KMT2C: variants seen among roughly 807,000 people sequenced by gnomAD.
KMT2C encodes the protein histone-lysine N-methyltransferase 2C.
Under a neutral mutation model 507.9 loss-of-function variants are expected in KMT2C, and 88 were observed. That is an observed-to-expected ratio of 0.17 (90% CI 0.15 to 0.21). KMT2C has a LOEUF of 0.21. KMT2C is among the 10% of genes least tolerant of loss of function. The pLI, the probability that KMT2C is intolerant of heterozygous loss-of-function variation, is 1.00. For synonymous variants in KMT2C, 2,049 were observed against 2,080.8 expected, an observed-to-expected ratio of 0.98 and a Z score of 0.42; for missense variants, 4,954 against 5,957.8, an observed-to-expected ratio of 0.83 and a Z score of 5.55.
At chr7:152,375,352 A>T (rs1261771012) in intron 1 of KMT2C, among the ~76,000 whole-genome samples, 5 of 151,670 alleles carry the variant, frequency 3.3e-5, no homozygotes, top group East Asian at 2.0e-4. Flanking sequence ...AGTTTTTTTT[A>T]AAATAGCAAA....
At position 152,162,861 on chromosome 7, in the gene KMT2C, T is replaced by C. The variant is rs376582257; in HGVS notation, c.10716A>G (p.Gln3572=). The change falls in exon 43 of 59, where the codon CAA becomes CAG. Residue 3572 remains glutamine, a synonymous_variant. Transcript: ENST00000262189. ...PVANSSLPCG[Q]DSTITHGHSY... ...TGTGTCCATGGGTTATAGTAGAATC[T>C]TGGCCACATGGGAGACTGCTATTAG... The C allele has an allele frequency of 6.8e-6, 11 of 1,614,114 alleles. No homozygotes were observed. The highest frequency in any genetic ancestry group is 1.1e-5 in the South Asian group (1 of 91,092).
At chr7:152,395,395 A>G (rs2097531830) in intron 1 of KMT2C, among the ~76,000 whole-genome samples, 2 of 152,018 alleles carry the variant, frequency 1.3e-5, no homozygotes, top group Non-Finnish European at 2.9e-5. Context: ...TATGTTGCCC[A>G]GCAGACTGGT....
At chr7:152,285,639 C>T (rs2096283331) in intron 6 of KMT2C, among the ~76,000 whole-genome samples, 1 of 152,156 alleles carries the variant, frequency 6.6e-6, no homozygotes. Context: ...AATGGGAGGA[C>T]ATTATACCCT....
At position 152,429,677 on chromosome 7, in the gene KMT2C, C is replaced by T. The variant is rs1357192044; in HGVS notation, c.161+5949G>A. Among the ~76,000 whole-genome samples the T allele has an allele frequency of 4.0e-5, 6 of 151,802 alleles. No individual in the cohort carries two copies. In the South Asian group the frequency reaches 6.3e-4, roughly 16 times the overall value. Reference sequence around the variant, plus strand: ...CTGGGACTATAGGTGCCTGCCACCACGCCCAGCTAATTTTTGTATTTTTGG... The same window carrying T: ...CTGGGACTATAGGTGCCTGCCACCATGCCCAGCTAATTTTTGTATTTTTGG... On this transcript the variant is annotated intron_variant, in intron 1 of 58. Transcript: ENST00000262189.
intron 6 of KMT2C, among the ~76,000 whole-genome samples, chr7:152,307,243 A>T (rs2096626227): frequency 3.1e-5 from 4 of 128,614 alleles, no homozygotes; most frequent in Admixed American, 1.5e-4. Flanking sequence ...GGAAGGAAGG[A>T]AGGAAGGACG....
At chr7:152,327,924 T>C (rs1340701321) in intron 3 of KMT2C, among the ~76,000 whole-genome samples, 49 of 146,498 alleles carry the variant, frequency 3.3e-4, no homozygotes, top group South Asian at 8.6e-4. Flanking sequence ...CGCCACTGCA[T>C]TCCAGCCTGG....
rs1190923488 is a variant in KMT2C at position 152,335,005 on chromosome 7, C to T, written c.251-4266G>A. On this transcript the variant is annotated intron_variant, in intron 2 of 58. Transcript: ENST00000262189. ...AAATCTTCAAGTGGCTTGATCAGGCCGTGAAACACTGATAATGGAGTCTGA... is the reference window on the plus strand; with the variant it reads ...AAATCTTCAAGTGGCTTGATCAGGCTGTGAAACACTGATAATGGAGTCTGA... 3.3e-5 allele frequency among the ~76,000 whole-genome samples: 5 copies of T among 152,048 alleles called. No individual in the cohort carries two copies. The South Asian group carries it at 8.3e-4, about 25-fold the overall frequency.
intron 1 of KMT2C, among the ~76,000 whole-genome samples, chr7:152,388,252 C>G (rs2097451214): frequency 6.6e-6 from 1 of 152,222 alleles, no homozygotes; most frequent in Admixed American, 6.5e-5. Context: ...CATATCCACA[C>G]CTGCTAAATA....
chr7:152,431,530 T>C (rs546573236), intron 1 of KMT2C, among the ~76,000 whole-genome samples: 1 of 149,564 alleles, frequency 6.7e-6, no homozygotes, highest in East Asian at 2.0e-4. Flanking sequence ...CACTTGAACC[T>C]GGGAGGCGGA....
chr7:152,340,913 T>C (rs926190478), intron 2 of KMT2C, among the ~76,000 whole-genome samples: 11 of 152,224 alleles, frequency 7.2e-5, no homozygotes, highest in African/African-American at 2.7e-4. Context: ...AAAAAAATAG[T>C]AACTGTTGGA....
At chr7:152,279,033 CA>C (rs141079616) in intron 6 of KMT2C, among the ~76,000 whole-genome samples, 21 of 150,264 alleles carry the variant, frequency 1.4e-4, no homozygotes, top group East Asian at 1.9e-4. Context: ...ATAGAATTTT[CA>C]AAAAAAAATC....
At chr7:152,395,180 A>T (rs868067837) in intron 1 of KMT2C, among the ~76,000 whole-genome samples, 2 of 152,168 alleles carry the variant, frequency 1.3e-5, no homozygotes, top group Admixed American at 6.5e-5. Context: ...CATTAAAAAA[A>T]TTTTAAGGGT....
chr7:152,271,263 T>C (rs2095961990), intron 7 of KMT2C, among the ~76,000 whole-genome samples: 1 of 152,074 alleles, frequency 6.6e-6, no homozygotes, highest in Admixed American at 6.6e-5. Context: ...GTTAAAAAGG[T>C]GACAAAACAT....
intron 26 of KMT2C, among the ~76,000 whole-genome samples, chr7:152,201,855 G>A (rs2094154294): frequency 6.6e-6 from 1 of 152,054 alleles, no homozygotes; most frequent in East Asian, 1.9e-4. Context: ...CACAAATGAG[G>A]AAACCGAGAC....
rs139823098 is a variant in KMT2C at position 152,177,737 on chromosome 7, C to A, written c.7716G>T (p.Leu2572=). 5.0e-6 allele frequency: 8 copies of A among 1,614,084 alleles called. No homozygotes were observed. The highest frequency in any genetic ancestry group is 6.8e-6 in the Non-Finnish European group (8 of 1,180,008). The change falls in exon 38 of 59, where the codon CTG becomes CTT. Residue 2572 remains leucine (L), a synonymous_variant. Coordinates refer to ENST00000262189, the MANE Select transcript of KMT2C (RefSeq NM_170606.3). The part of the protein sequence containing the change: ...RHRAPDGRQR[L]PFSAPPGSVV... ...CGCTGCCAGGTGGAGCACTGAAAGG[C>A]AGCCGTTGCCTTCCGTCAGGAGCCC...
intron 5 of KMT2C, among the ~76,000 whole-genome samples, chr7:152,310,763 A>T (rs2096664664): frequency 6.6e-6 from 1 of 152,006 alleles, no homozygotes; most frequent in African/African-American, 2.4e-5. Flanking sequence ...AGCTCACTGC[A>T]GCCTCAACCT....
intron 1 of KMT2C, among the ~76,000 whole-genome samples, chr7:152,400,827 G>A (rs1221975905): frequency 2.0e-5 from 3 of 149,370 alleles, no homozygotes; most frequent in Non-Finnish European, 4.5e-5. Flanking sequence ...ACAAAAACAA[G>A]GCAACAGGTC....
intron 25 of KMT2C, among the ~76,000 whole-genome samples, chr7:152,204,644 CAGAT>C (rs1402318858): frequency 2.0e-5 from 3 of 148,196 alleles, no homozygotes; most frequent in Non-Finnish European, 4.5e-5. Context: ...GATAGACAGA[CAGAT>C]ACATAAATAG....
chr7:152,257,716 A>G (rs752490442), intron 9 of KMT2C, among the ~76,000 whole-genome samples: 1 of 152,152 alleles, frequency 6.6e-6, no homozygotes, highest in Non-Finnish European at 1.5e-5. Flanking sequence ...AGTTATGCAT[A>G]TGTATATGAA....
Sources: gnomAD v4.1 joint callset for allele counts (sites outside exome capture counted in the v4.1 genomes callset) on GRCh38, gnomAD v4.1.1 for gene constraint, MANE v1.5 for transcripts, NCBI Gene and HGNC (gene_info 2026-07-23, HGNC 2026-07-21) for gene names.